C11orf65: variants seen among roughly 807,000 people sequenced by gnomAD.
The protein encoded by C11orf65 is protein MFI.
Under a neutral mutation model 35.3 loss-of-function variants are expected in C11orf65, and 38 were observed. The observed-to-expected ratio is 1.08, with a 90% CI of 0.83 to 1.41. The LOEUF (loss-of-function observed/expected upper bound fraction) is 1.41. Among genes scored for constraint, C11orf65 ranks in the 40% most tolerant of loss-of-function variants. The pLI, the probability that C11orf65 is intolerant of heterozygous loss-of-function variation, is 0.00. For synonymous variants in C11orf65, 105 were observed against 114.4 expected (o/e 0.92, Z 0.53); for missense variants, 370 against 367.1 (o/e 1.01, Z -0.06).
intron 2 of C11orf65, among the ~76,000 whole-genome samples, chr11:108,363,554 A>AGG (rs747136507): frequency 6.6e-6 from 1 of 152,122 alleles, no homozygotes; most frequent in Non-Finnish European, 1.5e-5. Context: ...ATGGGAGATG[A>AGG]GGATAGTATT....
chr11:108,369,554 A>G (rs1223468490), intron 2 of C11orf65, among the ~76,000 whole-genome samples: 1 of 152,200 alleles, frequency 6.6e-6, no homozygotes, highest in Admixed American at 6.5e-5. Flanking sequence ...TGCATTTTGC[A>G]TAAATATAGT....
chr11:108,350,514 T>G (rs1265342531), intron 2 of C11orf65, among the ~76,000 whole-genome samples: 1 of 152,232 alleles, frequency 6.6e-6, no homozygotes, highest in Non-Finnish European at 1.5e-5. Flanking sequence ...TTCATTAAGA[T>G]AGAATGAAAT....
rs371687129 is a variant in C11orf65 at position 108,334,922 on chromosome 11, A to C, written c.299+298T>G. 7 of 1,575,934 alleles carry C rather than the reference A, an allele frequency of 4.4e-6. No individual in the cohort carries two copies. The African/African-American group carries it at 8.1e-5, about 18-fold the overall frequency. ...TTATAATGTATTTTTCTTTAAGTGC[A>C]AATAGTGTATCTGACCTATTATCAA... On this transcript the variant is annotated intron_variant, in intron 3 of 3. Coordinates refer to the C11orf65 transcript ENST00000524755.
chr11:108,444,249 AC>A (rs1226881299), intron 2 of C11orf65, among the ~76,000 whole-genome samples: 1 of 152,036 alleles, frequency 6.6e-6, no homozygotes, highest in Non-Finnish European at 1.5e-5. Context: ...GGATACATAC[AC>A]CCTCCCAAGA....
At chr11:108,383,198 T>A (rs772362165) in intron 8 of C11orf65, 23 bp from the exon 9 acceptor site, 1 of 1,534,492 alleles carries the variant, frequency 6.5e-7, no homozygotes, top group Non-Finnish European at 8.8e-7. Flanking sequence ...GACAAATGAT[T>A]AGAAAGATAC....
At chr11:108,312,527 A>G (rs372754868) in intron 6 of C11orf65, 19 of 1,464,534 alleles carry the variant, frequency 1.3e-5, no homozygotes, top group Admixed American at 3.4e-5. Context: ...ATTATTTATG[A>G]CAGTATTTAT....
At position 108,391,694 on chromosome 11, in the gene C11orf65, A is replaced by G. The variant is rs368457669; in HGVS notation, c.731+1514T>C. On this transcript the variant is annotated intron_variant, in intron 7 of 8. Coordinates refer to ENST00000393084, the MANE Select transcript of C11orf65 (RefSeq NM_152587.5). ...ACGCCTGGCCCACAATGAATTTTCA[A>G]TTATTTTCATTGCCTCAGAAAGAGA... Among the ~76,000 whole-genome samples the G allele has an allele frequency of 2.8e-3, 418 of 150,252 alleles. 1 individual carries two copies. The highest frequency in any genetic ancestry group is 9.9e-3 in the African/African-American group (406 of 40,878).
chr11:108,454,633 A>G (rs1174048991), intron 2 of C11orf65, among the ~76,000 whole-genome samples: 2 of 151,584 alleles, frequency 1.3e-5, no homozygotes, highest in Non-Finnish European at 2.9e-5. Flanking sequence ...TTATTTATTT[A>G]TTTACTTTTA....
intron 6 of C11orf65, among the ~76,000 whole-genome samples, chr11:108,400,187 C>T (rs1437886243): frequency 6.6e-6 from 1 of 152,158 alleles, no homozygotes; most frequent in Non-Finnish European, 1.5e-5. Flanking sequence ...GCTCTCAAAT[C>T]GAGAGAGGGC....
chr11:108,384,161 C>A (rs1478806467), intron 8 of C11orf65, among the ~76,000 whole-genome samples: 1 of 152,106 alleles, frequency 6.6e-6, no homozygotes, highest in Non-Finnish European at 1.5e-5. Flanking sequence ...TGTGCTGGGT[C>A]TCTGTGCTGA....
intron 2 of C11orf65, chr11:108,347,437 C>A: frequency 1.7e-6 from 2 of 1,200,678 alleles, no homozygotes; most frequent in Non-Finnish European, 1.2e-6. Context: ...GTTTGCCTAC[C>A]AAGATATTAC....
chr11:108,458,638 G>A (rs958611182), intron 2 of C11orf65, among the ~76,000 whole-genome samples: 2 of 152,132 alleles, frequency 1.3e-5, no homozygotes, highest in Non-Finnish European at 2.9e-5. Context: ...AGAAGTTTCT[G>A]TCCACACCAC....
chr11:108,319,815 T>C, intron 6 of C11orf65: 1 of 653,734 alleles, frequency 1.5e-6, no homozygotes, highest in Non-Finnish European at 2.7e-6. Context: ...TTGTATTTCT[T>C]ACCAAAAATT....
chr11:108,332,081 A>C, intron 3 of C11orf65: 1 of 1,601,206 alleles, frequency 6.2e-7, no homozygotes, highest in Non-Finnish European at 8.5e-7. Context: ...TGTGATATTC[A>C]GTCTTTCCTA....
At chr11:108,318,544 G>T (rs1227496282) in intron 6 of C11orf65, among the ~76,000 whole-genome samples, 1 of 151,696 alleles carries the variant, frequency 6.6e-6, no homozygotes, top group Non-Finnish European at 1.5e-5. Context: ...GCAAAAATTA[G>T]CTGGGTGTGC....
chr11:108,353,493 C>G (rs759928300), intron 2 of C11orf65, among the ~76,000 whole-genome samples: 1 of 152,018 alleles, frequency 6.6e-6, no homozygotes, highest in Admixed American at 6.6e-5. Context: ...TTAAATTATA[C>G]CAGTAGTTAC....
At chr11:108,441,586 G>C (rs893513345) in intron 2 of C11orf65, among the ~76,000 whole-genome samples, 3 of 152,236 alleles carry the variant, frequency 2.0e-5, no homozygotes, top group African/African-American at 7.2e-5. Context: ...GGGGCAGACT[G>C]ACACCTCATA....
At chr11:108,312,554 T>G in intron 6 of C11orf65, 1 of 1,304,852 alleles carries the variant, frequency 7.7e-7, no homozygotes, top group Admixed American at 1.7e-5. Context: ...CTTTGGGTTA[T>G]TTTGTTATAG....
intron 2 of C11orf65, among the ~76,000 whole-genome samples, chr11:108,364,182 C>A (rs1234743906): frequency 6.6e-6 from 1 of 152,142 alleles, no homozygotes; most frequent in Non-Finnish European, 1.5e-5. Flanking sequence ...TCCCAACCTG[C>A]AGATTTACTG....
Sources: allele counts gnomAD v4.1 joint callset (sites outside exome capture counted in the v4.1 genomes callset), GRCh38; gene constraint gnomAD v4.1.1; transcripts MANE v1.5; gene names NCBI Gene and HGNC (gene_info 2026-07-23, HGNC 2026-07-21).